GALNTL6: variants seen among roughly 807,000 people sequenced by gnomAD.
GALNTL6 encodes polypeptide N-acetylgalactosaminyltransferase like 6.
A neutral mutation model predicts 73.7 loss-of-function variants in GALNTL6; 46 were observed. The observed-to-expected ratio is 0.62, with a 90% confidence interval of 0.49 to 0.80. The LOEUF (loss-of-function observed/expected upper bound fraction) is 0.80. Ranked by LOEUF, GALNTL6 falls within the 30% of genes least tolerant of loss-of-function variation. The probability of loss-of-function intolerance (pLI) is 0.00; values close to 1 mark genes in which losing one functional copy is unlikely to be tolerated. For synonymous variants in GALNTL6, 259 were observed against 263.7 expected (o/e 0.98, Z 0.17); for missense variants, 604 against 755.0 (o/e 0.80, Z 2.34).
intron 2 of GALNTL6, among the ~76,000 whole-genome samples, chr4:171,872,112 A>G (rs980970463): frequency 6.6e-6 from 1 of 152,188 alleles, no homozygotes; most frequent in African/African-American, 2.4e-5. Context: ...ATATATTTAA[A>G]TGAATCTTTG....
intron 5 of GALNTL6, among the ~76,000 whole-genome samples, chr4:172,564,059 CATTT>C (rs1736473295): frequency 6.6e-6 from 1 of 152,124 alleles, no homozygotes; most frequent in African/African-American, 2.4e-5. Context: ...AACTCTGTCT[CATTT>C]AGTTTTATTT....
At chr4:172,174,349 C>A (rs12644997) in intron 2 of GALNTL6, among the ~76,000 whole-genome samples, 1 of 151,958 alleles carries the variant, frequency 6.6e-6, no homozygotes, top group African/African-American at 2.4e-5. Flanking sequence ...AATGGGCCTG[C>A]CTTAGTGAAG....
intron 8 of GALNTL6, among the ~76,000 whole-genome samples, chr4:172,927,986 A>C (rs1203880355): frequency 6.6e-6 from 1 of 152,196 alleles, no homozygotes; most frequent in African/African-American, 2.4e-5. Context: ...GTGGTGTCTA[A>C]TTTTGGAAAC....
At chr4:172,327,654 T>A (rs1223355940) in intron 4 of GALNTL6, among the ~76,000 whole-genome samples, 1 of 152,192 alleles carries the variant, frequency 6.6e-6, no homozygotes, top group Admixed American at 6.5e-5. Flanking sequence ...TGACCTTCTG[T>A]GTCTTTTTTT....
At chr4:172,577,890 T>A (rs918729670) in intron 5 of GALNTL6, among the ~76,000 whole-genome samples, 2 of 152,184 alleles carry the variant, frequency 1.3e-5, no homozygotes, top group Non-Finnish European at 2.9e-5. Flanking sequence ...ATAATCACCA[T>A]CATCACAATA....
At chr4:172,355,369 C>T (rs550060038) in intron 5 of GALNTL6, among the ~76,000 whole-genome samples, 1 of 152,080 alleles carries the variant, frequency 6.6e-6, no homozygotes, top group South Asian at 2.1e-4. Flanking sequence ...GAGAGAATGG[C>T]ATTACGATGA....
intron 2 of GALNTL6, among the ~76,000 whole-genome samples, chr4:172,216,916 T>C (rs1736512920): frequency 2.0e-5 from 3 of 152,044 alleles, no homozygotes; most frequent in African/African-American, 7.2e-5. Context: ...AAGAAGGGAA[T>C]GGGAAGTGGG....
intron 2 of GALNTL6, among the ~76,000 whole-genome samples, chr4:171,822,973 G>T (rs1208231958): frequency 6.6e-6 from 1 of 152,022 alleles, no homozygotes. Flanking sequence ...TCATTGACAG[G>T]TTCTTCTATA....
intron 2 of GALNTL6, among the ~76,000 whole-genome samples, chr4:172,025,576 A>G (rs907777845): frequency 6.6e-6 from 1 of 152,090 alleles, no homozygotes; most frequent in African/African-American, 2.4e-5. Flanking sequence ...AGACCCAACT[A>G]GCACATGAAG....
chr4:172,236,258 C>A (rs992145381), intron 3 of GALNTL6, among the ~76,000 whole-genome samples: 1 of 152,100 alleles, frequency 6.6e-6, no homozygotes, highest in Non-Finnish European at 1.5e-5. Context: ...CCAATGAAAT[C>A]TCACTAATCT....
chr4:171,975,905 T>C (rs1739706960), intron 2 of GALNTL6, among the ~76,000 whole-genome samples: 1 of 151,620 alleles, frequency 6.6e-6, no homozygotes, highest in East Asian at 1.9e-4. Context: ...ATGCACAAAA[T>C]GTATGTGGAG....
chr4:171,931,778 T>C (rs1738192443), intron 2 of GALNTL6, among the ~76,000 whole-genome samples: 1 of 152,130 alleles, frequency 6.6e-6, no homozygotes, highest in Non-Finnish European at 1.5e-5. Context: ...GTGTTCAGTA[T>C]ATTTCAGCTG....
intron 2 of GALNTL6, among the ~76,000 whole-genome samples, chr4:171,920,401 A>AAAAGAT (rs1231175848): frequency 6.6e-6 from 1 of 152,160 alleles, no homozygotes; most frequent in Non-Finnish European, 1.5e-5. Context: ...AAGAAAAAGA[A>AAAAGAT]AAAGAAACAG....
intron 3 of GALNTL6, among the ~76,000 whole-genome samples, chr4:172,259,197 G>A (rs956844931): frequency 1.6e-4 from 24 of 151,274 alleles, no homozygotes; most frequent in African/African-American, 5.8e-4. Flanking sequence ...TTTCCATAGT[G>A]CTTGTACTAG....
intron 5 of GALNTL6, among the ~76,000 whole-genome samples, chr4:172,783,374 T>C (rs934355959): frequency 6.8e-6 from 1 of 147,532 alleles, no homozygotes; most frequent in African/African-American, 2.5e-5. Context: ...GTATTAATAA[T>C]ATTATACACT....
At chr4:172,140,268 T>C (rs1475920641) in intron 2 of GALNTL6, among the ~76,000 whole-genome samples, 1 of 152,066 alleles carries the variant, frequency 6.6e-6, no homozygotes, top group Non-Finnish European at 1.5e-5. Flanking sequence ...GTTTTACCTT[T>C]AGGCTACATT....
Position 172,740,882 on chromosome 4 carries a change from A to G in GALNTL6, c.554-68479A>G, listed in dbSNP as rs139454674. 3.9e-3 allele frequency among the ~76,000 whole-genome samples: 593 copies of G among 152,246 alleles called. 4 individuals are homozygous for G. Among genetic ancestry groups the G allele is most frequent in the Non-Finnish European group, 5.9e-3 (402 of 68,000 alleles). Reference sequence around the variant, plus strand: ...GCTATTGGCAGTAAATGCAATGTTAATGAATCAAGCGTATATTTTAAATGA... The same window carrying G: ...GCTATTGGCAGTAAATGCAATGTTAGTGAATCAAGCGTATATTTTAAATGA... On this transcript the variant is annotated intron_variant, in intron 5 of 12. Transcript: ENST00000506823.
chr4:171,845,563 C>T (rs906737963), intron 2 of GALNTL6, among the ~76,000 whole-genome samples: 7 of 152,072 alleles, frequency 4.6e-5, no homozygotes, highest in African/African-American at 1.7e-4. Flanking sequence ...GGAACGTGAG[C>T]ATAAGTCATA....
At chr4:171,903,782 C>G (rs7669819) in intron 2 of GALNTL6, among the ~76,000 whole-genome samples, 2 of 151,076 alleles carry the variant, frequency 1.3e-5, no homozygotes, top group Admixed American at 6.6e-5. Flanking sequence ...TCTCCCAGCA[C>G]GCAGCTGGAG....
Sources: gnomAD v4.1 joint callset for allele counts (sites outside exome capture counted in the v4.1 genomes callset) on GRCh38, gnomAD v4.1.1 for gene constraint, MANE v1.5 for transcripts, NCBI Gene and HGNC (gene_info 2026-07-23, HGNC 2026-07-21) for gene names.